The following GFOD1 variants were observed in gnomAD, a reference collection of about 807,000 sequenced individuals.
GFOD1 encodes the protein glucose-fructose oxidoreductase domain-containing protein 1.
A neutral mutation model predicts 25.4 loss-of-function variants in GFOD1; 9 were observed. The ratio of observed to expected loss-of-function variants is 0.35; its 90% CI spans 0.21 to 0.62. GFOD1 has a LOEUF of 0.62. Among genes scored for constraint, GFOD1 ranks in the 20% least tolerant of loss-of-function variants. GFOD1 has a pLI of 0.72. For synonymous variants in GFOD1, 253 were observed against 245.6 expected (o/e 1.03, Z -0.28); for missense variants, 403 against 556.9 (o/e 0.72, Z 2.78).
At chr6:13,463,866 G>C (rs1015625450) in intron 1 of GFOD1, among the ~76,000 whole-genome samples, 2 of 152,062 alleles carry the variant, frequency 1.3e-5, no homozygotes, top group Non-Finnish European at 2.9e-5. Context: ...TATCTATCCA[G>C]CAGGGTCTTG....
At chr6:13,452,245 A>G (rs899506830) in intron 1 of GFOD1, among the ~76,000 whole-genome samples, 6 of 152,228 alleles carry the variant, frequency 3.9e-5, no homozygotes, top group Non-Finnish European at 8.8e-5. Context: ...AACTGGAGAC[A>G]CTGGCATATG....
intron 1 of GFOD1, among the ~76,000 whole-genome samples, chr6:13,393,298 G>A (rs931075304): frequency 6.7e-6 from 1 of 148,380 alleles, no homozygotes; most frequent in Non-Finnish European, 1.5e-5. Context: ...AGAGGTTGCA[G>A]TGGGTGGAGA....
At chr6:13,409,479 A>T (rs563836349) in intron 1 of GFOD1, among the ~76,000 whole-genome samples, 1 of 152,320 alleles carries the variant, frequency 6.6e-6, no homozygotes, top group East Asian at 1.9e-4. Context: ...CCATCATGAG[A>T]TTAGGGGACT....
At chr6:13,389,055 C>T (rs1191832230) in intron 1 of GFOD1, among the ~76,000 whole-genome samples, 1 of 152,172 alleles carries the variant, frequency 6.6e-6, no homozygotes, top group African/African-American at 2.4e-5. Context: ...AAATCAAAAC[C>T]ACAATGAGAT....
At chr6:13,385,190 G>C (rs1467180735) in intron 1 of GFOD1, among the ~76,000 whole-genome samples, 4 of 152,192 alleles carry the variant, frequency 2.6e-5, no homozygotes, top group Non-Finnish European at 5.9e-5. Flanking sequence ...CAGCAGAGGA[G>C]GTGTGTGTCC....
chr6:13,444,710 T>C (rs1485514549), intron 1 of GFOD1, among the ~76,000 whole-genome samples: 1 of 152,176 alleles, frequency 6.6e-6, no homozygotes, highest in East Asian at 1.9e-4. Flanking sequence ...AGTATGTACA[T>C]TGTTCTTTAG....
intron 1 of GFOD1, among the ~76,000 whole-genome samples, chr6:13,428,034 C>CT (rs1757674507): frequency 6.6e-6 from 1 of 152,190 alleles, no homozygotes; most frequent in Admixed American, 6.5e-5. Context: ...GCACAAAGGC[C>CT]TGACAGTGCC....
At chr6:13,408,227 G>A (rs1170105226) in intron 1 of GFOD1, 1 of 344,892 alleles carries the variant, frequency 2.9e-6, no homozygotes, top group African/African-American at 2.2e-5. Context: ...GCAGGCAAAG[G>A]TTAATTTCCT....
At chr6:13,409,644 G>C (rs959921240) in intron 1 of GFOD1, among the ~76,000 whole-genome samples, 4 of 152,082 alleles carry the variant, frequency 2.6e-5, no homozygotes, top group South Asian at 2.1e-4. Flanking sequence ...AATTGCAGCC[G>C]GGCACGGTGG....
chr6:13,442,324 G>A (rs761263465), intron 1 of GFOD1, among the ~76,000 whole-genome samples: 5 of 152,140 alleles, frequency 3.3e-5, no homozygotes, highest in Admixed American at 1.3e-4. Context: ...GCGACCCTGC[G>A]TCAAACAAGT....
chr6:13,374,262 A>ACGT (rs1785206111), intron 1 of GFOD1, among the ~76,000 whole-genome samples: 1 of 64,580 alleles, frequency 1.5e-5, no homozygotes, highest in African/African-American at 4.2e-5. Flanking sequence ...TTTTAAAAAT[A>ACGT]TGTTTTTTTT....
Position 13,433,876 on chromosome 6 carries a change from C to T in GFOD1, c.253+52762G>A, listed in dbSNP as rs898584802. Among the ~76,000 whole-genome samples the T allele has an allele frequency of 7.2e-5, 11 of 152,336 alleles. No individual in the cohort carries two copies. In the South Asian group the frequency reaches 1.2e-3, roughly 17 times the overall value. On this transcript the variant is annotated intron_variant, in intron 1 of 1. Coordinates refer to ENST00000379287, the MANE Select transcript of GFOD1 (RefSeq NM_018988.4). The stretch of plus-strand genomic sequence containing the variant: ...CTCTCCCATTAAGGCTCCCTCAGCC[C>T]GTACAGATCACCTGTTCCAGTTCCC...
intron 1 of GFOD1, among the ~76,000 whole-genome samples, chr6:13,471,420 G>A (rs997293814): frequency 6.6e-6 from 1 of 152,134 alleles, no homozygotes; most frequent in Admixed American, 6.6e-5. Context: ...CCCCACCCAG[G>A]TCCGTGCCAT....
intron 1 of GFOD1, among the ~76,000 whole-genome samples, chr6:13,413,797 C>A (rs577990088): frequency 6.6e-6 from 1 of 152,166 alleles, no homozygotes; most frequent in African/African-American, 2.4e-5. Flanking sequence ...GATAAGACCC[C>A]AAGGCTCTAC....
At chr6:13,463,375 G>C (rs1339932278) in intron 1 of GFOD1, among the ~76,000 whole-genome samples, 3 of 152,202 alleles carry the variant, frequency 2.0e-5, no homozygotes, top group Non-Finnish European at 4.4e-5. Flanking sequence ...TAAAATGAAA[G>C]ACAATTTAAA....
chr6:13,393,273 T>C (rs1785652207), intron 1 of GFOD1, among the ~76,000 whole-genome samples: 1 of 148,676 alleles, frequency 6.7e-6, no homozygotes. Context: ...GGAGAATCAC[T>C]TGAACCCGAG....
chr6:13,448,055 G>T (rs1294856177), intron 1 of GFOD1, among the ~76,000 whole-genome samples: 1 of 152,174 alleles, frequency 6.6e-6, no homozygotes, highest in African/African-American at 2.4e-5. Context: ...TCTGGTGTGT[G>T]CCTGGGTGGA....
intron 1 of GFOD1, among the ~76,000 whole-genome samples, chr6:13,399,199 G>A (rs9474112): frequency 0.041 from 6,302 of 152,102 alleles, 340 homozygotes; most frequent in African/African-American, 0.13. Context: ...GTGGCATGTA[G>A]GGACAGTTTT....
At chr6:13,380,524 T>C (rs1452130233) in intron 1 of GFOD1, among the ~76,000 whole-genome samples, 1 of 152,182 alleles carries the variant, frequency 6.6e-6, no homozygotes, top group Non-Finnish European at 1.5e-5. Flanking sequence ...GCTTAGCGAA[T>C]GTCAAGTTCA....
Sources: allele counts gnomAD v4.1 joint callset (sites outside exome capture counted in the v4.1 genomes callset), GRCh38; gene constraint gnomAD v4.1.1; transcripts MANE v1.5; gene names NCBI Gene and HGNC (gene_info 2026-07-23, HGNC 2026-07-21).